The following SHISA9 variants were observed in gnomAD, a reference collection of about 807,000 sequenced individuals.
SHISA9 encodes protein shisa-9.
In SHISA9, 13 loss-of-function variants were observed where a neutral mutation model predicts 38.0. The observed-to-expected ratio is 0.34, with a 90% CI of 0.22 to 0.54. SHISA9 has a LOEUF of 0.54. Ranked by LOEUF, SHISA9 falls within the 20% of genes least tolerant of loss-of-function variation. SHISA9 has a pLI of 0.91. For synonymous variants in SHISA9, 275 were observed against 242.0 expected (o/e 1.14, Z -1.27); for missense variants, 538 against 575.8 (o/e 0.93, Z 0.67).
chr16:13,011,757 G>A (rs984487305), intron 2 of SHISA9, among the ~76,000 whole-genome samples: 3 of 151,818 alleles, frequency 2.0e-5, no homozygotes, highest in South Asian at 2.1e-4. Flanking sequence ...CCTTGACCTC[G>A]TGATCCGCCT....
intron 2 of SHISA9, among the ~76,000 whole-genome samples, chr16:12,961,683 T>C (rs920308663): frequency 6.6e-5 from 10 of 152,174 alleles, no homozygotes; most frequent in African/African-American, 2.4e-4. Context: ...AAAATGTTAG[T>C]GAACACAGAG....
the SHISA9 span, among the ~76,000 whole-genome samples, chr16:13,421,192 T>C: frequency 8.3e-6 from 1 of 119,950 alleles, no homozygotes; most frequent in South Asian, 3.0e-4. Context: ...GACAGTGCCA[T>C]TTCTTCTCTG....
At chr16:13,355,742 C>T in the SHISA9 span, among the ~76,000 whole-genome samples, 2 of 152,036 alleles carry the variant, frequency 1.3e-5, no homozygotes, top group Non-Finnish European at 1.5e-5. Context: ...AAGAAAGGGA[C>T]GGGCTTACCT....
intron 2 of SHISA9, among the ~76,000 whole-genome samples, chr16:12,984,059 T>C (rs1335366785): frequency 1.3e-5 from 2 of 152,160 alleles, no homozygotes; most frequent in African/African-American, 4.8e-5. Context: ...GGAGTTCTAG[T>C]CCATCTGGGG....
At chr16:13,279,382 T>C in the SHISA9 span, among the ~76,000 whole-genome samples, 27 of 152,074 alleles carry the variant, frequency 1.8e-4, no homozygotes, top group East Asian at 5.0e-3. Context: ...ATGGAGGAAA[T>C]GTTCTGTATA....
At chr16:13,362,022 A>G in the SHISA9 span, among the ~76,000 whole-genome samples, 37 of 152,230 alleles carry the variant, frequency 2.4e-4, 1 homozygote, top group Admixed American at 2.4e-3. Flanking sequence ...TGAGTGATTC[A>G]CTTAACATTT....
chr16:13,190,172 T>C (rs1431552253), intron 2 of SHISA9, among the ~76,000 whole-genome samples: 4 of 151,874 alleles, frequency 2.6e-5, no homozygotes, highest in African/African-American at 9.7e-5. Context: ...GCTGGTGCGC[T>C]GCACCCACTA....
At chr16:13,193,593 G>A (rs534142302) in intron 2 of SHISA9, among the ~76,000 whole-genome samples, 123 of 152,266 alleles carry the variant, frequency 8.1e-4, no homozygotes, top group African/African-American at 2.8e-3. Flanking sequence ...TGATCCACCC[G>A]CCTTGGACTC....
chr16:13,390,171 T>TC, the SHISA9 span, among the ~76,000 whole-genome samples: 1 of 151,016 alleles, frequency 6.6e-6, no homozygotes, highest in Admixed American at 6.6e-5. Flanking sequence ...AGGGATTTTT[T>TC]CTCTCTCTCT....
At chr16:13,101,695 A>G (rs539027879) in intron 2 of SHISA9, among the ~76,000 whole-genome samples, 2 of 152,200 alleles carry the variant, frequency 1.3e-5, no homozygotes, top group Admixed American at 1.3e-4. Context: ...TTTTTGAGGG[A>G]CCTCCATACT....
intron 2 of SHISA9, among the ~76,000 whole-genome samples, chr16:12,936,951 T>C (rs915189009): frequency 6.6e-6 from 1 of 152,140 alleles, no homozygotes; most frequent in Non-Finnish European, 1.5e-5. Flanking sequence ...GGTTTGTGTA[T>C]TTGTTCCTTA....
chr16:13,429,694 G>A, the SHISA9 span, among the ~76,000 whole-genome samples: 1 of 152,182 alleles, frequency 6.6e-6, no homozygotes, highest in Non-Finnish European at 1.5e-5. Flanking sequence ...CTCAAATCAT[G>A]ACAGGACCTA....
At chr16:13,425,160 A>T in the SHISA9 span, among the ~76,000 whole-genome samples, 1 of 152,234 alleles carries the variant, frequency 6.6e-6, no homozygotes, top group Admixed American at 6.5e-5. Context: ...ATTGGTATAC[A>T]TGGGCATAAA....
At chr16:13,343,110 T>C in the SHISA9 span, among the ~76,000 whole-genome samples, 14 of 152,342 alleles carry the variant, frequency 9.2e-5, no homozygotes, top group South Asian at 2.9e-3. Flanking sequence ...ATTTTTGTTT[T>C]ATTTTTGTCA....
At chr16:13,294,258 A>C in the SHISA9 span, among the ~76,000 whole-genome samples, 2 of 152,206 alleles carry the variant, frequency 1.3e-5, no homozygotes, top group East Asian at 1.9e-4. Flanking sequence ...TCACATGACC[A>C]TGGATTCCCT....
chr16:12,967,048 C>G (rs1186484266), intron 2 of SHISA9, among the ~76,000 whole-genome samples: 3 of 152,110 alleles, frequency 2.0e-5, no homozygotes, highest in Non-Finnish European at 4.4e-5. Context: ...CCCAGCCATC[C>G]CATTACTGGG....
At chr16:13,281,043 T>G in the SHISA9 span, among the ~76,000 whole-genome samples, 2 of 151,838 alleles carry the variant, frequency 1.3e-5, no homozygotes, top group East Asian at 1.9e-4. Context: ...TAATATGCCA[T>G]GTAGATACTG....
intron 4 of SHISA9, among the ~76,000 whole-genome samples, chr16:13,227,544 A>C (rs555685151): frequency 6.6e-6 from 1 of 152,162 alleles, no homozygotes; most frequent in African/African-American, 2.4e-5. Context: ...AGGGATGACA[A>C]CCTTGGGCCA....
intron 2 of SHISA9, among the ~76,000 whole-genome samples, chr16:12,985,715 A>G (rs762560057): frequency 1.1e-4 from 17 of 152,232 alleles, no homozygotes; most frequent in Non-Finnish European, 2.4e-4. Context: ...CCTTACACCC[A>G]GATCTCCTGG....
Sources: allele counts gnomAD v4.1 joint callset (sites outside exome capture counted in the v4.1 genomes callset), GRCh38; gene constraint gnomAD v4.1.1; transcripts MANE v1.5; gene names NCBI Gene and HGNC (gene_info 2026-07-23, HGNC 2026-07-21).